TIA1: variants seen among roughly 807,000 people sequenced by gnomAD.
TIA1 encodes the protein TIA1 cytotoxic granule associated RNA binding protein, also known as cytotoxic granule associated RNA binding protein TIA1.
A neutral mutation model predicts 65.9 loss-of-function variants in TIA1; 23 were observed. The observed-to-expected ratio is 0.35, with a 90% CI of 0.25 to 0.49. The LOEUF (loss-of-function observed/expected upper bound fraction) is 0.49, where lower values mean the gene tolerates loss of function less well. Among genes scored for constraint, TIA1 ranks in the 20% least tolerant of loss-of-function variants. The pLI is 0.98. For synonymous variants in TIA1, 147 were observed against 149.4 expected (o/e 0.98, Z 0.12); for missense variants, 371 against 477.9 (o/e 0.78, Z 2.09).
chr2:70,222,249 G>A (rs1452066357), intron 7 of TIA1, among the ~76,000 whole-genome samples: 1 of 152,128 alleles, frequency 6.6e-6, no homozygotes, highest in Non-Finnish European at 1.5e-5. Flanking sequence ...TTGACAGGAA[G>A]GACCTTTCCT....
chr2:70,215,306 A>C (rs1460663125), intron 11 of TIA1, 65 bp downstream of exon 11: 4 of 1,595,532 alleles, frequency 2.5e-6, no homozygotes, highest in Non-Finnish European at 3.4e-6. Flanking sequence ...GATTATCAAC[A>C]ATCTTCACCT....
intron 1 of TIA1, among the ~76,000 whole-genome samples, chr2:70,241,455 A>G (rs1230025888): frequency 1.3e-5 from 2 of 152,118 alleles, no homozygotes; most frequent in Admixed American, 1.3e-4. Flanking sequence ...AAAGAAAAAA[A>G]AAAGTTTTGA....
In TIA1 at chr2:70,230,781, A is replaced by G. The variant is rs1359562995; in HGVS notation, c.197T>C (p.Met66Thr). The change falls in exon 3 of 13, where the codon ATG becomes ACG. Residue 66 changes from methionine to threonine, a missense_variant. By Grantham distance (81) the Met-to-Thr change is moderately conservative (BLOSUM62 -1). Transcript: ENST00000433529. The part of the protein sequence containing the change: ...HRHAAAALAA[M>T]NGRKIMGKEV... ...CTTACCCATTATCTTCCGTCCATTCATAGCAGCTAATGCTGCAGCTGCATG... is the reference window on the plus strand; with the variant it reads ...CTTACCCATTATCTTCCGTCCATTCGTAGCAGCTAATGCTGCAGCTGCATG... The G allele has an allele frequency of 6.2e-7, 1 of 1,611,052 alleles. No individual in the cohort carries two copies. The highest frequency in any genetic ancestry group is 1.7e-5 in the Admixed American group (1 of 59,450).
intron 10 of TIA1, chr2:70,215,971 G>T (rs1473730229): frequency 2.1e-6 from 1 of 470,200 alleles, no homozygotes. Context: ...GGCCAGGCTG[G>T]TCTCAAACTC....
intron 1 of TIA1, among the ~76,000 whole-genome samples, chr2:70,238,075 G>A (rs966179456): frequency 2.0e-5 from 3 of 150,650 alleles, no homozygotes; most frequent in Admixed American, 6.6e-5. Context: ...GCAGGAGAAC[G>A]GCGTGAACCT....
In TIA1 at chr2:70,210,958, A is replaced by G. The variant is rs1355165074; in HGVS notation, c.*1761T>C. ...TGAGCTCCAGAGAATTATACACTCG[A>G]GCTGTCTTTCCTGGGCTCTGGTTTA... is the stretch of plus-strand genomic sequence containing the variant. On this transcript the variant is annotated 3_prime_UTR_variant, in exon 13 of 13. Coordinates refer to ENST00000433529, the MANE Select transcript of TIA1 (RefSeq NM_022173.4). 1 of 152,212 alleles carries G rather than the reference A, an allele frequency of 6.6e-6. No homozygotes were observed. The highest frequency in any genetic ancestry group is 1.5e-5 in the Non-Finnish European group (1 of 68,046). The allele number at this position is 152,212 out of a possible 1,614,324, so 9.4% of individuals were successfully genotyped here.
At chr2:70,228,491 C>A (rs910065745) in intron 5 of TIA1, 4 of 1,261,270 alleles carry the variant, frequency 3.2e-6, no homozygotes, top group African/African-American at 3.1e-5. Flanking sequence ...AAACAGTAAT[C>A]CCTTCACTTT....
At chr2:70,246,284 T>A (rs578148198) in intron 1 of TIA1, among the ~76,000 whole-genome samples, 42 of 152,146 alleles carry the variant, frequency 2.8e-4, no homozygotes, top group African/African-American at 8.9e-4. Flanking sequence ...ACTAAGAACA[T>A]ATATTGAGAG....
intron 5 of TIA1, 68 bp from the exon 6 acceptor site, chr2:70,227,890 C>A: frequency 9.5e-7 from 1 of 1,054,666 alleles, no homozygotes; most frequent in South Asian, 1.4e-5. Flanking sequence ...GTACTAAAAT[C>A]TATCCAATAA....
At chr2:70,245,175 T>TG (rs1394459767) in intron 1 of TIA1, among the ~76,000 whole-genome samples, 1 of 152,128 alleles carries the variant, frequency 6.6e-6, no homozygotes. Context: ...TTAGTAGAGA[T>TG]GGGGTTTCAC....
At chr2:70,241,276 C>A (rs189133637) in intron 1 of TIA1, among the ~76,000 whole-genome samples, 41 of 152,156 alleles carry the variant, frequency 2.7e-4, no homozygotes, top group African/African-American at 9.6e-4. Context: ...CCCGTCTCTA[C>A]TAAAAAATAC....
At chr2:70,243,404 A>G (rs146694891) in intron 1 of TIA1, among the ~76,000 whole-genome samples, 1 of 152,330 alleles carries the variant, frequency 6.6e-6, no homozygotes, top group African/African-American at 2.4e-5. Context: ...CAGAGCCTGG[A>G]CAACAGGATG....
intron 2 of TIA1, among the ~76,000 whole-genome samples, chr2:70,235,541 A>AGTGTGTGTGTGTGTGTGTGTGTGTGTGT (rs145663932): frequency 3.2e-4 from 47 of 147,318 alleles, no homozygotes; most frequent in African/African-American, 1.2e-3. Flanking sequence ...TAGATGAATG[A>AGTGTGTGTGTGTGTGTGTGTGTGTGTGT]GTGTGTGTGT....
Position 70,248,415 on chromosome 2 carries a change from G to T in TIA1, c.16C>A (p.Pro6Thr). 6.2e-7 allele frequency: 1 copy of T among 1,600,594 alleles called. No homozygotes were observed. The highest frequency in any genetic ancestry group is 8.5e-7 in the Non-Finnish European group (1 of 1,179,944). Reference sequence around the variant, plus strand: ...CTGCCCCAGACTCACAGAGTCTTGGGCATCTCGTCCTCCATGGCTGCTGCT... The same window carrying T: ...CTGCCCCAGACTCACAGAGTCTTGGTCATCTCGTCCTCCATGGCTGCTGCT... MEDEM[P>T]KTLYVGNLSR... Residue 6 changes from proline to threonine, a missense_variant, in exon 1 of 13, where the codon CCC becomes ACC. Physicochemically the swap from Pro to Thr is conservative, Grantham distance 38. Transcript: ENST00000433529.
At chr2:70,218,749 C>T (rs1306715837) in intron 7 of TIA1, among the ~76,000 whole-genome samples, 1 of 152,164 alleles carries the variant, frequency 6.6e-6, no homozygotes, top group Admixed American at 6.5e-5. Flanking sequence ...CCATTCTTAG[C>T]GCTAAGAGGA....
At chr2:70,222,554 C>T (rs1305384501) in intron 7 of TIA1, among the ~76,000 whole-genome samples, 2 of 152,092 alleles carry the variant, frequency 1.3e-5, no homozygotes, top group Admixed American at 1.3e-4. Flanking sequence ...CAGAGCCAAG[C>T]ACGTATCACA....
chr2:70,223,783 G>C (rs1019435642), intron 7 of TIA1, among the ~76,000 whole-genome samples: 1 of 151,624 alleles, frequency 6.6e-6, no homozygotes, highest in Non-Finnish European at 1.5e-5. Context: ...ATATTTTGTA[G>C]AGATAGGGTC....
At chr2:70,241,949 A>T (rs1265730972) in intron 1 of TIA1, among the ~76,000 whole-genome samples, 1 of 152,128 alleles carries the variant, frequency 6.6e-6, no homozygotes, top group Admixed American at 6.5e-5. Context: ...CCTCTCACAG[A>T]ATGAAGGAGA....
intron 2 of TIA1, among the ~76,000 whole-genome samples, chr2:70,234,853 C>T (rs1688076857): frequency 6.6e-6 from 1 of 151,844 alleles, no homozygotes; most frequent in African/African-American, 2.4e-5. Context: ...AGCCACTGTG[C>T]CCGGCTAAAT....
Sources: gnomAD v4.1 joint callset for allele counts (sites outside exome capture counted in the v4.1 genomes callset) on GRCh38, gnomAD v4.1.1 for gene constraint, MANE v1.5 for transcripts, NCBI Gene and HGNC (gene_info 2026-07-23, HGNC 2026-07-21) for gene names.